MYOF: variants seen among roughly 807,000 people sequenced by gnomAD.
MYOF encodes the protein myoferlin.
In MYOF, 244 loss-of-function variants were observed where a neutral mutation model predicts 284.2. That is an observed-to-expected ratio of 0.86 (90% CI 0.77 to 0.95). MYOF has a LOEUF of 0.95. MYOF is among the 40% of genes least tolerant of loss of function. The pLI is 0.00. For synonymous variants in MYOF, 904 were observed against 919.7 expected, an observed-to-expected ratio of 0.98 and a Z score of 0.31; for missense variants, 2,496 against 2,560.6, an observed-to-expected ratio of 0.97 and a Z score of 0.54.
At chr10:93,449,947 G>A (rs937754557) in intron 3 of MYOF, among the ~76,000 whole-genome samples, 1 of 151,998 alleles carries the variant, frequency 6.6e-6, no homozygotes, top group Admixed American at 6.6e-5. Flanking sequence ...TTTTGATGCC[G>A]GTAAGCAGAA....
At chr10:93,405,118 A>ATCTT (rs35654573) in intron 7 of MYOF, among the ~76,000 whole-genome samples, 29,182 of 151,928 alleles carry the variant, frequency 0.19, 4,383 homozygotes, top group African/African-American at 0.42. Flanking sequence ...CATTTGCTTT[A>ATCTT]TCTCTTTTTT....
At chr10:93,392,986 A>G in intron 16 of MYOF, 31 bp from the exon 17 acceptor site, 3 of 1,576,948 alleles carry the variant, frequency 1.9e-6, no homozygotes, top group South Asian at 1.1e-5. Flanking sequence ...TGGTTAAACA[A>G]GAAGAACACG....
chr10:93,404,953 T>C (rs1168127024), intron 7 of MYOF, among the ~76,000 whole-genome samples: 1 of 152,218 alleles, frequency 6.6e-6, no homozygotes, highest in Non-Finnish European at 1.5e-5. Context: ...GTTAGGCTAA[T>C]AAATGTTAAT....
chr10:93,309,959 G>A lies in MYOF; in HGVS notation c.6147+61C>T, dbSNP rs1842307316. ...CACAGTGGTCAGGGCAGATGCCAAG[G>A]GAGAGGACCAACTGCAACTCACAAG... is the stretch of plus-strand genomic sequence containing the variant. On this transcript the variant is annotated intron_variant, in intron 53 of 53. Transcript: ENST00000359263. 1.9e-6 allele frequency: 3 copies of A among 1,602,748 alleles called. No homozygotes were observed. In the East Asian group the frequency reaches 6.7e-5, roughly 36 times the overall value.
chr10:93,402,990 C>A, intron 9 of MYOF, 100 bp from the exon 10 acceptor site: 2 of 1,046,864 alleles, frequency 1.9e-6, no homozygotes, highest in Non-Finnish European at 2.9e-6. Context: ...GTCTTGATTA[C>A]ACTTAAATTT....
chr10:93,460,665 G>C (rs1190521627), intron 1 of MYOF, among the ~76,000 whole-genome samples: 1 of 151,680 alleles, frequency 6.6e-6, no homozygotes, highest in Non-Finnish European at 1.5e-5. Flanking sequence ...CACTCGAGAG[G>C]CTGAGGCAGG....
At chr10:93,458,040 G>A (rs113799654) in intron 1 of MYOF, among the ~76,000 whole-genome samples, 2,618 of 151,868 alleles carry the variant, frequency 0.017, 89 homozygotes, top group African/African-American at 0.06. Flanking sequence ...CACTGCGCCC[G>A]GCATTCATCT....
intron 1 of MYOF, among the ~76,000 whole-genome samples, chr10:93,463,520 C>T (rs2056932539): frequency 6.6e-6 from 1 of 150,626 alleles, no homozygotes; most frequent in African/African-American, 2.4e-5. Flanking sequence ...CTGCCTCAGC[C>T]TGCCGAGTAG....
intron 4 of MYOF, among the ~76,000 whole-genome samples, chr10:93,431,024 C>CTTTTTTTTTTTTT (rs113713765): frequency 2.5e-4 from 29 of 117,860 alleles, no homozygotes; most frequent in East Asian, 7.0e-4. Flanking sequence ...TTTTTCTTTT[C>CTTTTTTTTTTTTT]TTTTTTTTTT....
intron 3 of MYOF, among the ~76,000 whole-genome samples, chr10:93,445,090 A>T (rs961442847): frequency 6.6e-6 from 1 of 151,904 alleles, no homozygotes. Context: ...TGAGAATTAA[A>T]TTTTTTTTTG....
At chr10:93,440,380 C>A (rs1483915400) in intron 3 of MYOF, among the ~76,000 whole-genome samples, 1 of 151,542 alleles carries the variant, frequency 6.6e-6, no homozygotes, top group African/African-American at 2.4e-5. Context: ...CCACTGCACT[C>A]CAGCCTGTCG....
intron 22 of MYOF, among the ~76,000 whole-genome samples, chr10:93,375,452 T>C (rs915141357): frequency 6.6e-6 from 1 of 152,230 alleles, no homozygotes; most frequent in African/African-American, 2.4e-5. Flanking sequence ...AAGAAAACTG[T>C]GTCTATCTGT....
At chr10:93,430,718 C>A (rs701874) in intron 4 of MYOF, among the ~76,000 whole-genome samples, 58,866 of 152,088 alleles carry the variant, frequency 0.39, 13,976 homozygotes, top group Non-Finnish European at 0.52. Flanking sequence ...TGTTAACACC[C>A]ACATGGCTAA....
rs781697316 is a variant in MYOF at position 93,395,234 on chromosome 10, G to A, written c.1417+908C>T. Reference sequence around the variant, plus strand: ...CCGAGGAGGGTGGATCACCAGGTCAGGAGATGGAGACCATCCTGGCCAACA... The same window carrying A: ...CCGAGGAGGGTGGATCACCAGGTCAAGAGATGGAGACCATCCTGGCCAACA... On this transcript the variant is annotated intron_variant, in intron 16 of 53. Transcript: ENST00000359263. Among the ~76,000 whole-genome samples the A allele has an allele frequency of 1.3e-4, 20 of 152,314 alleles. 1 individual carries two copies. The highest frequency in any genetic ancestry group is 2.2e-4 in the Non-Finnish European group (15 of 68,040).
chr10:93,429,529 G>T (rs1016984154), intron 4 of MYOF, among the ~76,000 whole-genome samples: 2 of 152,150 alleles, frequency 1.3e-5, no homozygotes, highest in Non-Finnish European at 2.9e-5. Flanking sequence ...TCTTTCCTCA[G>T]AATCATTTCT....
At chr10:93,393,464 G>T (rs1347638996) in intron 16 of MYOF, among the ~76,000 whole-genome samples, 5 of 152,190 alleles carry the variant, frequency 3.3e-5, no homozygotes, top group Non-Finnish European at 7.3e-5. Context: ...TAACCCCATG[G>T]TCTGCAGGGC....
chr10:93,473,040 C>T (rs997911276), intron 1 of MYOF, among the ~76,000 whole-genome samples: 5 of 152,136 alleles, frequency 3.3e-5, no homozygotes, highest in East Asian at 1.9e-4. Flanking sequence ...AATGAAGGCT[C>T]GGAAATATAG....
chr10:93,458,863 A>G (rs1296952976), intron 1 of MYOF, among the ~76,000 whole-genome samples: 1 of 152,176 alleles, frequency 6.6e-6, no homozygotes, highest in African/African-American at 2.4e-5. Flanking sequence ...TGTGGAATGT[A>G]GGAGGTAGTG....
chr10:93,386,335 A>G (rs780525833), intron 19 of MYOF, among the ~76,000 whole-genome samples: 5 of 151,920 alleles, frequency 3.3e-5, no homozygotes, highest in Non-Finnish European at 7.4e-5. Context: ...CAATTCCTGG[A>G]CTTCAGAGTG....
Sources: allele counts gnomAD v4.1 joint callset (sites outside exome capture counted in the v4.1 genomes callset), GRCh38; gene constraint gnomAD v4.1.1; transcripts MANE v1.5; gene names NCBI Gene and HGNC (gene_info 2026-07-23, HGNC 2026-07-21).